The following ADAMTSL1 variants were observed in gnomAD, a reference collection of about 807,000 sequenced individuals.
ADAMTSL1 encodes the protein ADAMTS-like protein 1.
ADAMTSL1 carries 126 observed loss-of-function variants against 201.8 expected under a neutral mutation model. The observed-to-expected ratio is 0.62, with a 90% CI of 0.54 to 0.72. ADAMTSL1 has a LOEUF of 0.72. ADAMTSL1 is among the 30% of genes least tolerant of loss of function. ADAMTSL1 has a pLI of 0.00. For missense variants in ADAMTSL1, 2,679 were observed against 2,277.8 expected, an observed-to-expected ratio of 1.18 and a Z score of -3.59; for synonymous variants, 1,121 against 903.4, an observed-to-expected ratio of 1.24 and a Z score of -4.32.
chr9:18,317,391 TCAA>T (rs1563882771), intron 2 of ADAMTSL1, among the ~76,000 whole-genome samples: 1 of 108,504 alleles, frequency 9.2e-6, no homozygotes, highest in Non-Finnish European at 1.8e-5. Context: ...TTAAGTGTCC[TCAA>T]CACACACACA....
intron 14 of ADAMTSL1, among the ~76,000 whole-genome samples, chr9:18,711,878 C>G (rs1290786061): frequency 6.6e-6 from 1 of 151,890 alleles, no homozygotes; most frequent in Non-Finnish European, 1.5e-5. Flanking sequence ...CAGTGGTTCT[C>G]CCAGCATGCA....
intron 1 of ADAMTSL1, among the ~76,000 whole-genome samples, chr9:17,986,175 G>T (rs1284993468): frequency 5.3e-5 from 8 of 151,982 alleles, no homozygotes; most frequent in African/African-American, 1.9e-4. Flanking sequence ...GGTTTCCAAG[G>T]GGTATGCTTT....
chr9:18,259,000 T>C, intron 2 of ADAMTSL1, among the ~76,000 whole-genome samples: 1 of 152,226 alleles, frequency 6.6e-6, no homozygotes, highest in East Asian at 1.9e-4. Context: ...GACTCCCTTC[T>C]TGACATAGTC....
intron 16 of ADAMTSL1, among the ~76,000 whole-genome samples, chr9:18,758,241 A>G (rs1490211362): frequency 2.0e-5 from 3 of 152,152 alleles, no homozygotes; most frequent in Admixed American, 6.5e-5. Context: ...AGACTTCTTT[A>G]CTATCTGCTC....
chr9:18,890,014 G>A (rs1382344208), intron 25 of ADAMTSL1, among the ~76,000 whole-genome samples: 1 of 152,080 alleles, frequency 6.6e-6, no homozygotes, highest in African/African-American at 2.4e-5. Flanking sequence ...TCTGTTCAGG[G>A]AGCAAGAGCT....
intron 2 of ADAMTSL1, among the ~76,000 whole-genome samples, chr9:18,187,061 C>G (rs1345122236): frequency 6.6e-6 from 1 of 152,138 alleles, no homozygotes; most frequent in Non-Finnish European, 1.5e-5. Flanking sequence ...AAAATTGTTT[C>G]TGGGTCACCA....
chr9:18,338,983 A>T (rs992221619), intron 2 of ADAMTSL1, among the ~76,000 whole-genome samples: 24 of 152,134 alleles, frequency 1.6e-4, no homozygotes, highest in Admixed American at 1.3e-3. Context: ...ATAGGATTCC[A>T]TTGTCTATAC....
At chr9:18,501,557 C>T (rs993698310) in intron 1 of ADAMTSL1, among the ~76,000 whole-genome samples, 2 of 149,378 alleles carry the variant, frequency 1.3e-5, no homozygotes, top group Non-Finnish European at 3.0e-5. Flanking sequence ...ATGTGTTCTA[C>T]CAGGGCCAGA....
chr9:18,400,988 G>C (rs148947618), intron 2 of ADAMTSL1, among the ~76,000 whole-genome samples: 16 of 152,202 alleles, frequency 1.1e-4, no homozygotes, highest in African/African-American at 3.1e-4. Context: ...ATTTTCCTTA[G>C]CTGGATATCA....
intron 2 of ADAMTSL1, among the ~76,000 whole-genome samples, chr9:18,326,432 T>TA (rs35508872): frequency 0.43 from 62,582 of 146,418 alleles, 13,765 homozygotes; most frequent in Admixed American, 0.58. Flanking sequence ...ATTTTTTACC[T>TA]AAAAAAAAAA....
At chr9:17,974,495 G>C (rs1020281802) in intron 1 of ADAMTSL1, among the ~76,000 whole-genome samples, 1 of 151,870 alleles carries the variant, frequency 6.6e-6, no homozygotes, top group Non-Finnish European at 1.5e-5. Context: ...CTGAAACTTT[G>C]TACCTTTTGA....
chr9:18,176,336 T>A lies in ADAMTSL1; in HGVS notation c.207+12355T>A, dbSNP rs796256601. 3.3e-5 allele frequency among the ~76,000 whole-genome samples: 5 copies of A among 152,270 alleles called. No homozygotes were observed. The South Asian group carries it at 1.0e-3, about 32-fold the overall frequency. On this transcript the variant is annotated intron_variant, in intron 2 of 29. Coordinates refer to the ADAMTSL1 transcript ENST00000680146. The stretch of plus-strand genomic sequence containing the variant: ...ATAGTAACAACAATAGTAATAATTA[T>A]TAAAATGTGAGCAATAGTAATGGGA...
intron 14 of ADAMTSL1, chr9:18,718,234 G>C: frequency 2.6e-6 from 2 of 762,456 alleles, no homozygotes; most frequent in Non-Finnish European, 4.9e-6. Flanking sequence ...CAAAGAATCT[G>C]TTCTCTCAAG....
intron 1 of ADAMTSL1, among the ~76,000 whole-genome samples, chr9:18,088,431 A>G (rs1028871756): frequency 3.3e-5 from 5 of 152,176 alleles, no homozygotes; most frequent in African/African-American, 1.2e-4. Flanking sequence ...TTAGACAGCA[A>G]AGGAAACAAT....
At chr9:18,281,719 A>C (rs1832797845) in intron 2 of ADAMTSL1, among the ~76,000 whole-genome samples, 1 of 152,136 alleles carries the variant, frequency 6.6e-6, no homozygotes, top group Non-Finnish European at 1.5e-5. Context: ...GTCCATGTTC[A>C]ATTGAGTTCA....
At chr9:18,451,340 T>G (rs1820397414) in intron 2 of ADAMTSL1, among the ~76,000 whole-genome samples, 1 of 152,182 alleles carries the variant, frequency 6.6e-6, no homozygotes, top group Non-Finnish European at 1.5e-5. Context: ...TCAACCTAGC[T>G]TATAATTAGT....
At chr9:18,434,749 T>C (rs759557410) in intron 2 of ADAMTSL1, among the ~76,000 whole-genome samples, 24 of 152,172 alleles carry the variant, frequency 1.6e-4, no homozygotes, top group Non-Finnish European at 3.1e-4. Flanking sequence ...TTTACATGAC[T>C]TGCCTGCCCT....
chr9:18,274,753 A>G (rs180839148), intron 2 of ADAMTSL1, among the ~76,000 whole-genome samples: 1 of 152,212 alleles, frequency 6.6e-6, no homozygotes, highest in Non-Finnish European at 1.5e-5. Flanking sequence ...AAAAGAGACT[A>G]TTATAAAAGA....
At chr9:18,664,738 C>T (rs1219555576) in intron 9 of ADAMTSL1, among the ~76,000 whole-genome samples, 12 of 152,040 alleles carry the variant, frequency 7.9e-5, no homozygotes, top group Admixed American at 7.2e-4. Flanking sequence ...ACAGCAAAAA[C>T]CGCATTAAAC....
Sources: gnomAD v4.1 joint callset for allele counts (sites outside exome capture counted in the v4.1 genomes callset) on GRCh38, gnomAD v4.1.1 for gene constraint, MANE v1.5 for transcripts, NCBI Gene and HGNC (gene_info 2026-07-23, HGNC 2026-07-21) for gene names.